Variants in MDGA2 observed in about 807,000 individuals in gnomAD.
MDGA2 encodes MAM domain-containing glycosylphosphatidylinositol anchor protein 2.
MDGA2 carries 40 observed loss-of-function variants against 117.8 expected under a neutral mutation model. The ratio of observed to expected loss-of-function variants is 0.34; its 90% CI spans 0.26 to 0.44. The LOEUF (loss-of-function observed/expected upper bound fraction) is 0.44, where lower values mean the gene tolerates loss of function less well. Among genes scored for constraint, MDGA2 ranks in the 20% least tolerant of loss-of-function variants. The probability of loss-of-function intolerance (pLI) is 1.00; values close to 1 mark genes in which losing one functional copy is unlikely to be tolerated. For synonymous variants in MDGA2, 452 were observed against 439.0 expected (o/e 1.03, Z -0.37); for missense variants, 1,123 against 1,250.6 (o/e 0.90, Z 1.54).
chr14:47,650,847 G>A (rs1319533760), intron 1 of MDGA2, among the ~76,000 whole-genome samples: 1 of 152,188 alleles, frequency 6.6e-6, no homozygotes, highest in Non-Finnish European at 1.5e-5. Context: ...TTGCATGATG[G>A]TAGGTAGTGA....
At chr14:47,307,646 T>A (rs1889496332) in intron 1 of MDGA2, among the ~76,000 whole-genome samples, 1 of 151,218 alleles carries the variant, frequency 6.6e-6, no homozygotes, top group Admixed American at 6.6e-5. Context: ...CGAGATCTTG[T>A]CACTGCACTC....
rs529430765 is a variant in MDGA2, at chr14:47,303,998, C to G, written c.281-2448G>C. On this transcript the variant is annotated intron_variant, in intron 1 of 16. Coordinates refer to ENST00000399232, the MANE Select transcript of MDGA2 (RefSeq NM_001113498.3). ...GCTATTTTTCTTCTATATTATAACA[C>G]ATTCTTGGAAAAGGTAATTGCCTGC... 3.9e-5 allele frequency among the ~76,000 whole-genome samples: 6 copies of G among 152,238 alleles called. No individual in the cohort carries two copies. The South Asian group carries it at 1.2e-3, about 32-fold the overall frequency.
chr14:46,874,582 A>AT (rs1882148881), intron 12 of MDGA2, among the ~76,000 whole-genome samples: 1 of 151,814 alleles, frequency 6.6e-6, no homozygotes, highest in Non-Finnish European at 1.5e-5. Context: ...ACCTTTATTA[A>AT]TTTACCTGAG....
intron 1 of MDGA2, among the ~76,000 whole-genome samples, chr14:47,382,610 T>C (rs1891662084): frequency 6.6e-6 from 1 of 152,188 alleles, no homozygotes; most frequent in Non-Finnish European, 1.5e-5. Context: ...AAAATGTTCA[T>C]CATCACTGGC....
At chr14:47,166,870 C>G (rs189655683) in intron 3 of MDGA2, among the ~76,000 whole-genome samples, 1 of 152,250 alleles carries the variant, frequency 6.6e-6, no homozygotes, top group African/African-American at 2.4e-5. Flanking sequence ...GCTCCTCATT[C>G]TAATTATTAA....
intron 3 of MDGA2, among the ~76,000 whole-genome samples, chr14:47,180,921 AAAAC>A (rs1012666443): frequency 3.9e-5 from 6 of 152,166 alleles, no homozygotes; most frequent in African/African-American, 9.6e-5. Context: ...ACTTCCACTC[AAAAC>A]AAACAAACAA....
At chr14:47,477,178 A>G (rs1893861612) in intron 1 of MDGA2, among the ~76,000 whole-genome samples, 1 of 152,188 alleles carries the variant, frequency 6.6e-6, no homozygotes, top group African/African-American at 2.4e-5. Context: ...AATAAATAAA[A>G]ATAACATCCA....
intron 5 of MDGA2, among the ~76,000 whole-genome samples, chr14:47,111,223 C>T (rs1248893259): frequency 6.6e-6 from 1 of 152,116 alleles, no homozygotes; most frequent in African/African-American, 2.4e-5. Flanking sequence ...ACCCCTAAGT[C>T]ACACAGCTAG....
At chr14:47,610,182 G>C (rs1045705174) in intron 1 of MDGA2, among the ~76,000 whole-genome samples, 1 of 152,064 alleles carries the variant, frequency 6.6e-6, no homozygotes, top group Non-Finnish European at 1.5e-5. Flanking sequence ...TGTAATAAAA[G>C]TCATCTATGA....
At chr14:47,261,821 G>A (rs965603671) in intron 2 of MDGA2, among the ~76,000 whole-genome samples, 7 of 152,098 alleles carry the variant, frequency 4.6e-5, no homozygotes, top group African/African-American at 1.7e-4. Context: ...ATAAATGAGT[G>A]TAAACTAAAC....
intron 1 of MDGA2, among the ~76,000 whole-genome samples, chr14:47,504,519 T>C (rs929062212): frequency 6.6e-6 from 1 of 152,188 alleles, no homozygotes; most frequent in African/African-American, 2.4e-5. Flanking sequence ...GTCTCGAGAA[T>C]GTCTGTTGCA....
chr14:47,504,670 TCA>T lies in MDGA2; in HGVS notation c.280+169845_280+169846del, dbSNP rs1388525892. Among the ~76,000 whole-genome samples, 419 of 152,038 alleles carry T rather than the reference TCA, an allele frequency of 2.8e-3. 2 individuals are homozygous for T. The highest frequency in any genetic ancestry group is 0.01 in the Middle Eastern group (3 of 294). On this transcript the variant is annotated intron_variant, in intron 1 of 16. Coordinates refer to ENST00000399232, the MANE Select transcript of MDGA2 (RefSeq NM_001113498.3). The stretch of plus-strand genomic sequence containing the variant: ...AGCTTCCTTCCATTTAGAAGGGCTA[TCA>T]TAAAAAAAAGAAAAAAAATGCAGGC...
intron 1 of MDGA2, among the ~76,000 whole-genome samples, chr14:47,305,521 T>C (rs535462726): frequency 6.6e-6 from 1 of 152,354 alleles, no homozygotes; most frequent in African/African-American, 2.4e-5. Context: ...CATTCTTTTA[T>C]CTTGTTAGAA....
chr14:47,115,280 T>C (rs1231073992), intron 5 of MDGA2, among the ~76,000 whole-genome samples: 3 of 152,056 alleles, frequency 2.0e-5, no homozygotes, highest in African/African-American at 7.2e-5. Context: ...CTGTGTCATA[T>C]ATACTTCAAA....
At chr14:47,525,935 C>T (rs974972000) in intron 1 of MDGA2, among the ~76,000 whole-genome samples, 2 of 152,084 alleles carry the variant, frequency 1.3e-5, no homozygotes, top group South Asian at 2.1e-4. Flanking sequence ...AGGCACATGT[C>T]ACCAGTTTTT....
At chr14:47,622,888 G>A (rs1465644824) in intron 1 of MDGA2, among the ~76,000 whole-genome samples, 1 of 152,176 alleles carries the variant, frequency 6.6e-6, no homozygotes, top group Non-Finnish European at 1.5e-5. Context: ...GAAATGAATT[G>A]TGGATGTTGA....
intron 9 of MDGA2, among the ~76,000 whole-genome samples, chr14:46,928,255 T>C (rs1884405860): frequency 6.6e-6 from 1 of 152,142 alleles, no homozygotes; most frequent in East Asian, 1.9e-4. Context: ...AAACAATACA[T>C]TCAGCCAATA....
chr14:46,875,056 C>T (rs1288279157), intron 12 of MDGA2, among the ~76,000 whole-genome samples: 1 of 151,680 alleles, frequency 6.6e-6, no homozygotes, highest in Non-Finnish European at 1.5e-5. Flanking sequence ...TTTCACTCAG[C>T]CTCATAACAA....
At chr14:47,615,647 C>T (rs1896935880) in intron 1 of MDGA2, among the ~76,000 whole-genome samples, 1 of 152,214 alleles carries the variant, frequency 6.6e-6, no homozygotes. Context: ...GACAAATGCA[C>T]ATTGACACAG....
Sources: allele counts gnomAD v4.1 joint callset (sites outside exome capture counted in the v4.1 genomes callset), GRCh38; gene constraint gnomAD v4.1.1; transcripts MANE v1.5; gene names NCBI Gene and HGNC (gene_info 2026-07-23, HGNC 2026-07-21).